Variants in CATSPERG observed in about 807,000 individuals in gnomAD.
CATSPERG encodes the protein cation channel sperm-associated auxiliary subunit gamma.
In CATSPERG, 115 loss-of-function variants were observed where a neutral mutation model predicts 145.0. The observed-to-expected ratio is 0.79, with a 90% CI of 0.68 to 0.93. The LOEUF is 0.93. Among genes scored for constraint, CATSPERG ranks in the 40% least tolerant of loss-of-function variants. CATSPERG has a pLI of 0.00. For missense variants in CATSPERG, 1,296 were observed against 1,490.1 expected, an observed-to-expected ratio of 0.87 and a Z score of 2.14; for synonymous variants, 588 against 589.0, an observed-to-expected ratio of 1.00 and a Z score of 0.02.
At chr19:38,364,764 A>T (rs1970419424) in intron 20 of CATSPERG, 127 bp from the exon 21 acceptor site, 2 of 749,474 alleles carry the variant, frequency 2.7e-6, no homozygotes, top group Non-Finnish European at 2.4e-6. Flanking sequence ...TGAGTAGAAA[A>T]TGGCAGCCTT....
At position 38,360,837 on chromosome 19, in the gene CATSPERG, G is replaced by A. The variant is rs535055326; in HGVS notation, c.1874G>A (p.Arg625Gln). 17 of 1,609,270 alleles carry A rather than the reference G, an allele frequency of 1.1e-5. No homozygotes were observed. The highest frequency in any genetic ancestry group is 6.8e-5 in the Admixed American group (4 of 59,240). ...QQHTSHYDLE[R>Q]KGGYLMLSFI... ...CACACCAGCCACTATGACTTGGAGC[G>A]GAAAGGGTGAGAAGACACCGGACCA... The change falls in exon 16 of 29, where the codon CGG becomes CAG. Residue 625 changes from arginine (R) to glutamine (Q), a missense_variant. By Grantham distance (43) the Arg-to-Gln change is conservative. Coordinates refer to ENST00000409235, the MANE Select transcript of CATSPERG (RefSeq NM_021185.5).
At chr19:38,356,636 T>G in intron 10 of CATSPERG, 93 bp downstream of exon 10, 1 of 1,587,576 alleles carries the variant, frequency 6.3e-7, no homozygotes, top group Non-Finnish European at 8.6e-7. Context: ...TGGGAAAGAA[T>G]GGGCAGTGTC....
chr19:38,342,481 T>G (rs1164352152), intron 3 of CATSPERG, among the ~76,000 whole-genome samples: 1 of 151,134 alleles, frequency 6.6e-6, no homozygotes, highest in Non-Finnish European at 1.5e-5. Flanking sequence ...ACGTGTGTAG[T>G]CCCAGCTACT....
At position 38,367,518 on chromosome 19, in the gene CATSPERG, CCTT is replaced by C. The variant is rs1373266257; in HGVS notation, c.2787_2789del (p.Phe929del). 20 of 1,613,948 alleles carry C rather than the reference CCTT, an allele frequency of 1.2e-5. No homozygotes were observed. The highest frequency in any genetic ancestry group is 6.7e-5 in the East Asian group (3 of 44,892). On this transcript the variant is annotated inframe_deletion, in exon 24 of 29. Coordinates refer to ENST00000409235, the MANE Select transcript of CATSPERG (RefSeq NM_021185.5). Reference sequence around the variant, plus strand: ...CCCTCCAACCCCATAGTTTTCTACCCCTTCTTCTTGATTCAAGATTTGGTGACA... The same window carrying C: ...CCCTCCAACCCCATAGTTTTCTACCCCTTCTTGATTCAAGATTTGGTGACA...
At chr19:38,362,873 T>G (rs766484293) in intron 20 of CATSPERG, 41 bp downstream of exon 20, 18 of 418,248 alleles carry the variant, frequency 4.3e-5, no homozygotes, top group Admixed American at 1.7e-4. Flanking sequence ...GAGGTTTTGT[T>G]TTTTTTTTTT....
intron 3 of CATSPERG, among the ~76,000 whole-genome samples, chr19:38,339,006 T>TGA (rs1001842557): frequency 2.6e-5 from 4 of 151,738 alleles, no homozygotes; most frequent in Admixed American, 2.6e-4. Flanking sequence ...AAAGGCAGTT[T>TGA]GAGAGAGAGA....
rs1169535458 is a variant in CATSPERG, at chr19:38,354,719, T to C, written c.1007T>C (p.Ile336Thr). The change falls in exon 9 of 29, where the codon ATT becomes ACT. Residue 336 changes from isoleucine to threonine, a missense_variant. Physicochemically the swap from Ile to Thr is moderately conservative, Grantham distance 89. Coordinates refer to ENST00000409235, the MANE Select transcript of CATSPERG (RefSeq NM_021185.5). ...YERNRGSGSWIRVLASECIKK... is the reference protein window; with the variant it reads ...YERNRGSGSWTRVLASECIKK... ...ATACTGACTTCACTAGGCAGTTGGA[T>C]TCGTGTCCTGGCCAGCGAGTGCATC... 1 of 1,614,112 alleles carries C rather than the reference T, an allele frequency of 6.2e-7. No homozygotes were observed. Among genetic ancestry groups the C allele is most frequent in the Non-Finnish European group, 8.5e-7 (1 of 1,179,954 alleles).
chr19:38,345,976 G>C (rs1261328965), intron 6 of CATSPERG, among the ~76,000 whole-genome samples: 1 of 152,190 alleles, frequency 6.6e-6, no homozygotes, highest in Non-Finnish European at 1.5e-5. Context: ...GGAGACAGAT[G>C]GCAAACCGGC....
intron 3 of CATSPERG, among the ~76,000 whole-genome samples, chr19:38,339,905 AG>A (rs1340648246): frequency 6.6e-6 from 1 of 151,058 alleles, no homozygotes; most frequent in Admixed American, 6.6e-5. Context: ...CCCAGGCTGG[AG>A]TGCAGTGGCG....
At chr19:38,361,536 T>C (rs1970344308) in intron 16 of CATSPERG, 112 bp from the exon 17 acceptor site, 1 of 841,250 alleles carries the variant, frequency 1.2e-6, no homozygotes, top group Non-Finnish European at 1.9e-6. Flanking sequence ...AGGAGGAAGA[T>C]TCGGGCTGGA....
intron 6 of CATSPERG, among the ~76,000 whole-genome samples, chr19:38,345,671 A>ATTTTTT (rs36061443): frequency 7.1e-6 from 1 of 140,986 alleles, no homozygotes; most frequent in Non-Finnish European, 1.5e-5. Context: ...CACCCAGCTA[A>ATTTTTT]TTTTTTTTTT....
rs765650190 is a variant in CATSPERG, at chr19:38,343,734, G to A, written c.469+10G>A. ...CCCTTCCGCAGCAAAGGTGGGCCTG[G>A]GGGAGGCGGGAGGGATCGCAACCTG... is the stretch of plus-strand genomic sequence containing the variant. On this transcript the variant is annotated intron_variant, in intron 4 of 28. Transcript: ENST00000409235. 1 of 1,548,358 alleles carries A rather than the reference G, an allele frequency of 6.5e-7. No individual in the cohort carries two copies. Among genetic ancestry groups the A allele is most frequent in the South Asian group, 1.2e-5 (1 of 83,990 alleles).
chr19:38,343,980 GGCCTCCCTGCAGA>G lies in CATSPERG; in HGVS notation c.470-9_473del, dbSNP rs1420828628. ...AGGCCCCAGCAGTTTCAGTGCCCAG[GGCCTCCCTGCAGA>G]GCCATGCATGGCAGAAGAAGTGTGT... On this transcript the variant is annotated splice_acceptor_variant and splice_polypyrimidine_tract_variant and coding_sequence_variant and intron_variant, in exon 5 of 29. Transcript: ENST00000409235. LOFTEE classifies it high-confidence loss of function. The G allele has an allele frequency of 3.2e-6, 5 of 1,549,270 alleles. No homozygotes were observed. The Admixed American group carries it at 9.8e-5, about 30-fold the overall frequency.
At position 38,343,582 on chromosome 19, in the gene CATSPERG, C is replaced by T. The variant is rs1210411366; in HGVS notation, c.327C>T (p.Pro109=). The T allele has an allele frequency of 2.6e-6, 4 of 1,547,528 alleles. No homozygotes were observed. The highest frequency in any genetic ancestry group is 2.0e-5 in the Admixed American group (1 of 50,478). The change falls in exon 4 of 29, where the codon CCC becomes CCT. Residue 109 remains proline, a splice_region_variant and synonymous_variant. Coordinates refer to ENST00000409235, the MANE Select transcript of CATSPERG (RefSeq NM_021185.5). ...TTGTGGGGCCATCTCACCCTCAGCC[C>T]TCTGAGGACCTGGTGCGCATGGGCC... ...LKINYSCEEK[P]SEDLVRMGHL... is the part of the protein sequence containing the mutation.
Position 38,364,067 on chromosome 19 carries a change from G to A in CATSPERG, c.2476-824G>A, listed in dbSNP as rs527287394. 1.1e-3 allele frequency among the ~76,000 whole-genome samples: 160 copies of A among 148,478 alleles called. 2 individuals are homozygous for A. In the Middle Eastern group the frequency reaches 0.021, roughly 19 times the overall value. On this transcript the variant is annotated intron_variant, in intron 20 of 28. Coordinates refer to ENST00000409235, the MANE Select transcript of CATSPERG (RefSeq NM_021185.5). ...CGGGCAGAGGTGCCCCTCACCTCCC[G>A]GACGGGGCAGCTGGCCGGGCGGGGG...
intron 11 of CATSPERG, 138 bp from the exon 12 acceptor site, chr19:38,358,140 C>A: frequency 1.3e-6 from 1 of 753,552 alleles, no homozygotes; most frequent in South Asian, 1.8e-5. Flanking sequence ...AGAAAAGAAA[C>A]TCTAAGGACT....
chr19:38,338,505 C>G (rs1969882840), intron 3 of CATSPERG, among the ~76,000 whole-genome samples: 2 of 152,168 alleles, frequency 1.3e-5, no homozygotes, highest in Middle Eastern at 3.4e-3. Context: ...ATTCACACAC[C>G]ATAAAATTCA....
intron 28 of CATSPERG, 37 bp downstream of exon 28, chr19:38,370,295 C>T (rs1359041207): frequency 1.9e-6 from 3 of 1,578,618 alleles, no homozygotes; most frequent in Non-Finnish European, 2.6e-6. Flanking sequence ...ACTGGGTGGG[C>T]AGGGGCCCAC....
intron 4 of CATSPERG, 87 bp downstream of exon 4, chr19:38,343,811 G>A (rs1283383708): frequency 2.7e-6 from 4 of 1,460,832 alleles, no homozygotes; most frequent in Non-Finnish European, 3.7e-6. Flanking sequence ...ATCTGAGGAG[G>A]GTATGTGGGG....
Sources: allele counts gnomAD v4.1 joint callset (sites outside exome capture counted in the v4.1 genomes callset), GRCh38; gene constraint gnomAD v4.1.1; transcripts MANE v1.5; gene names NCBI Gene and HGNC (gene_info 2026-07-23, HGNC 2026-07-21).